Variants in ADGRG2 observed in about 807,000 individuals in gnomAD.
ADGRG2 encodes the protein adhesion G protein-coupled receptor G2.
In ADGRG2, 26 loss-of-function variants were observed where a neutral mutation model predicts 74.1. That is an observed-to-expected ratio of 0.35 (90% CI 0.26 to 0.49). The LOEUF (loss-of-function observed/expected upper bound fraction) is 0.49, where lower values mean the gene tolerates loss of function less well. Ranked by LOEUF, ADGRG2 falls within the 20% of genes least tolerant of loss-of-function variation. ADGRG2 has a pLI of 0.99. For synonymous variants in ADGRG2, 296 were observed against 295.2 expected (o/e 1.00, Z -0.03); for missense variants, 619 against 763.1 (o/e 0.81, Z 2.22).
At chrX:19,072,593 C>A (rs2061672434) in intron 2 of ADGRG2, among the ~76,000 whole-genome samples, 1 of 111,301 alleles carries the variant, frequency 9.0e-6, no homozygotes, top group Admixed American at 9.6e-5. Context: ...GTAACTGAGA[C>A]CTCTGATCAA....
At chrX:19,115,051 C>T (rs755262612) in intron 1 of ADGRG2, among the ~76,000 whole-genome samples, 7 of 111,725 alleles carry the variant, frequency 6.3e-5, no homozygotes, top group Admixed American at 1.9e-4. Context: ...ATTATTATTA[C>T]GAGAGTGTCA....
At chrX:19,105,214 G>C (rs182771585) in intron 1 of ADGRG2, among the ~76,000 whole-genome samples, 1 of 112,136 alleles carries the variant, frequency 8.9e-6, no homozygotes, top group East Asian at 2.8e-4. Flanking sequence ...GCCTCAGCCT[G>C]AGTGTTATTC....
rs927723725 is a variant in ADGRG2, at chrX:19,114,846, G to A, written c.-47+7596C>T. Among the ~76,000 whole-genome samples the A allele has an allele frequency of 7.2e-5, 8 of 111,336 alleles. No homozygotes were observed. The Admixed American group carries it at 7.7e-4, about 11-fold the overall frequency. ...AAGAACACAGGCTCTGAAATCAGATGGTCTGTATTCAAACCCCGGACCTAC... is the reference window on the plus strand; with the variant it reads ...AAGAACACAGGCTCTGAAATCAGATAGTCTGTATTCAAACCCCGGACCTAC... On this transcript the variant is annotated intron_variant, in intron 1 of 28. Transcript: ENST00000379869.
chrX:19,039,177 T>A (rs1475261930), intron 4 of ADGRG2: 2 of 328,557 alleles, frequency 6.1e-6, no homozygotes, highest in East Asian at 9.8e-5. Flanking sequence ...CAGCTAGGAA[T>A]GAAGGCAGGA....
intron 1 of ADGRG2, among the ~76,000 whole-genome samples, chrX:19,089,721 C>T (rs868057056): frequency 2.7e-5 from 3 of 111,459 alleles, no homozygotes; most frequent in Non-Finnish European, 5.6e-5. Flanking sequence ...AGACCCACGC[C>T]TGGTCAGGCA....
At chrX:18,992,616 A>T (rs1473714792) in intron 28 of ADGRG2, among the ~76,000 whole-genome samples, 1 of 112,169 alleles carries the variant, frequency 8.9e-6, no homozygotes, top group East Asian at 2.8e-4. Context: ...GAAATTGCCA[A>T]TTCCATTCCT....
chrX:19,107,828 C>T lies in ADGRG2; in HGVS notation c.-47+14614G>A, dbSNP rs186209750. On this transcript the variant is annotated intron_variant, in intron 1 of 28. Transcript: ENST00000379869. ...AAAAAATTAAAGTATAGGCTGGGCG[C>T]GGTGGCTCACGTCTGTAATCCCAGC... Among the ~76,000 whole-genome samples, 170 of 109,284 alleles carry T rather than the reference C, an allele frequency of 1.6e-3. 1 individual carries two copies. Among genetic ancestry groups the T allele is most frequent in the African/African-American group, 5.2e-3 (158 of 30,178 alleles). The allele number at this position is 109,284 out of a possible 115,157, so 94.9% of individuals were successfully genotyped here. A position where few individuals can be genotyped will look rare whatever the true frequency, so the allele number is the denominator to read the frequency against.
intron 1 of ADGRG2, among the ~76,000 whole-genome samples, chrX:19,114,543 A>G (rs1267278877): frequency 9.0e-6 from 1 of 110,651 alleles, no homozygotes; most frequent in Non-Finnish European, 1.9e-5. Flanking sequence ...TGGCACTATT[A>G]ATGCTTGGGC....
At chrX:19,018,445 C>T (rs904200725) in intron 15 of ADGRG2, among the ~76,000 whole-genome samples, 6 of 111,342 alleles carry the variant, frequency 5.4e-5, no homozygotes, top group Non-Finnish European at 7.5e-5. Context: ...AATGCCTAGG[C>T]TATATCCCAG....
Position 19,021,086 on chromosome X carries a change from CAAT to C in ADGRG2, c.643+15_643+17del. The stretch of plus-strand genomic sequence containing the variant: ...AAAATCCACATGAAGATTAATGCAG[CAAT>C]AATAGACAACTTACCCATTGGTCGA... On this transcript the variant is annotated intron_variant, in intron 14 of 28. Coordinates refer to ENST00000379869, the MANE Select transcript of ADGRG2 (RefSeq NM_001079858.3). 1 of 757,764 alleles carries C rather than the reference CAAT, an allele frequency of 1.3e-6. No homozygotes were observed. The highest frequency in any genetic ancestry group is 2.1e-6 in the Non-Finnish European group (1 of 486,008). The allele number at this position is 757,764 out of a possible 1,213,427, so 62.4% of individuals were successfully genotyped here.
chrX:18,996,797 C>G (rs777848650), intron 26 of ADGRG2, among the ~76,000 whole-genome samples: 2 of 111,628 alleles, frequency 1.8e-5, no homozygotes, highest in East Asian at 5.6e-4. Context: ...CAGGGCTCCC[C>G]AGCCAGCCCC....
chrX:19,004,653 G>C (rs1349072100), intron 23 of ADGRG2, 105 bp downstream of exon 23: 4 of 733,671 alleles, frequency 5.5e-6, no homozygotes, highest in Non-Finnish European at 4.0e-6. Context: ...CCACTAGCTG[G>C]GTGTACAGGG....
At chrX:19,037,189 A>C (rs1198787750) in intron 6 of ADGRG2, among the ~76,000 whole-genome samples, 2 of 112,277 alleles carry the variant, frequency 1.8e-5, no homozygotes, top group African/African-American at 6.5e-5. Context: ...TTGGACAGCA[A>C]GGGAATGGAT....
At chrX:19,005,554 C>CTTT (rs72423142) in intron 22 of ADGRG2, among the ~76,000 whole-genome samples, 1 of 95,654 alleles carries the variant, frequency 1.0e-5, no homozygotes, top group Non-Finnish European at 2.1e-5. Flanking sequence ...ATCTCTCTCT[C>CTTT]TTTTTTTTTT....
At chrX:19,079,914 G>GT (rs5901654) in intron 2 of ADGRG2, among the ~76,000 whole-genome samples, 3,139 of 96,086 alleles carry the variant, frequency 0.033, 125 homozygotes, top group East Asian at 0.17. Context: ...TTTGGTTTTT[G>GT]TTTTTTTTTT....
intron 28 of ADGRG2, among the ~76,000 whole-genome samples, 170 bp from the exon 29 acceptor site, chrX:18,991,218 C>T (rs1186630572): frequency 8.9e-6 from 1 of 111,742 alleles, no homozygotes; most frequent in Admixed American, 9.5e-5. Context: ...TTCCCTAAGG[C>T]CACTCAAAGT....
At chrX:18,992,131 A>G (rs1254293300) in intron 28 of ADGRG2, among the ~76,000 whole-genome samples, 3 of 111,767 alleles carry the variant, frequency 2.7e-5, no homozygotes, top group African/African-American at 9.8e-5. Context: ...TATTCATGCA[A>G]ACTAGGTGAT....
intron 1 of ADGRG2, among the ~76,000 whole-genome samples, chrX:19,096,716 T>A (rs1234475001): frequency 8.9e-6 from 1 of 111,755 alleles, no homozygotes; most frequent in East Asian, 2.8e-4. Context: ...TAACAGCCAG[T>A]GTTTAATTGT....
At position 19,068,440 on chromosome X, in the gene ADGRG2, G is replaced by C. The variant is rs138530220; in HGVS notation, c.118+277C>G. ...ATACATAGAAAGAACAGGAACAGAG[G>C]TTACCAGGAAGGGGTGGGGGGGAAG... On this transcript the variant is annotated intron_variant, in intron 3 of 28. Transcript: ENST00000379869. 0.027 allele frequency among the ~76,000 whole-genome samples: 2,915 copies of C among 108,959 alleles called. 101 individuals carry two copies. Among genetic ancestry groups the C allele is most frequent in the African/African-American group, 0.093 (2,709 of 29,113 alleles). The allele number at this position is 108,959 out of a possible 115,157, so 94.6% of individuals were successfully genotyped here. A position where few individuals can be genotyped will look rare whatever the true frequency, so the allele number is the denominator to read the frequency against.
Sources: gnomAD v4.1 joint callset for allele counts (sites outside exome capture counted in the v4.1 genomes callset) on GRCh38, gnomAD v4.1.1 for gene constraint, MANE v1.5 for transcripts, NCBI Gene and HGNC (gene_info 2026-07-23, HGNC 2026-07-21) for gene names.